Variants in PIGL observed in about 807,000 individuals in gnomAD.
PIGL encodes N-acetylglucosaminyl-phosphatidylinositol de-N-acetylase.
PIGL carries 22 observed loss-of-function variants against 31.1 expected under a neutral mutation model. The observed-to-expected ratio is 0.71, with a 90% CI of 0.51 to 1.01. The LOEUF is 1.01. PIGL is among the 50% of genes least tolerant of loss of function. PIGL has a pLI of 0.00. For synonymous variants in PIGL, 131 were observed against 117.4 expected (o/e 1.12, Z -0.75); for missense variants, 302 against 315.9 (o/e 0.96, Z 0.33).
intron 3 of PIGL, among the ~76,000 whole-genome samples, chr17:16,302,671 C>T (rs140541072): frequency 6.6e-6 from 1 of 152,214 alleles, no homozygotes; most frequent in African/African-American, 2.4e-5. Context: ...GCGATCTCAG[C>T]TCACTGCAGC....
At position 16,321,706 on chromosome 17, in the gene PIGL, T is replaced by TTTCC. The variant is rs562711098; in HGVS notation, c.660+3816_660+3819dup. On this transcript the variant is annotated intron_variant, in intron 6 of 6. Coordinates refer to ENST00000225609, the MANE Select transcript of PIGL (RefSeq NM_004278.4). ...CCTACTTCATTTATGGTTTTATTCT[T>TTTCC]TTCCTTCCTTCCTTCCTTCCTCCCT... 2.2e-3 allele frequency among the ~76,000 whole-genome samples: 333 copies of TTTCC among 152,208 alleles called. 1 individual carries two copies. Among genetic ancestry groups the TTTCC allele is most frequent in the Non-Finnish European group, 3.5e-3 (236 of 68,010 alleles).
intron 3 of PIGL, among the ~76,000 whole-genome samples, chr17:16,303,512 T>C (rs1280782998): frequency 1.3e-5 from 2 of 151,892 alleles, no homozygotes; most frequent in African/African-American, 4.8e-5. Context: ...GGAAATCGTA[T>C]AAAACAGCTC....
chr17:16,255,242 C>A (rs1444143122), intron 2 of PIGL, among the ~76,000 whole-genome samples: 1 of 152,098 alleles, frequency 6.6e-6, no homozygotes, highest in Non-Finnish European at 1.5e-5. Context: ...TCTTCCTGTT[C>A]CTGATTGCCA....
Position 16,317,884 on chromosome 17 carries a change from C to A in PIGL, c.636C>A (p.Asn212Lys), listed in dbSNP as rs745657268. The A allele has an allele frequency of 1.8e-5, 29 of 1,613,626 alleles. No individual in the cohort carries two copies. The highest frequency in any genetic ancestry group is 2.4e-5 in the Non-Finnish European group (28 of 1,180,034). ...LHTQDVLFVL[N>K]SKEVAQAKKA... ...CGCAGGATGTCCTCTTCGTGCTCAA[C>A]AGCAAAGAAGTGGCACAGGCCAAGG... Residue 212 changes from asparagine (N) to lysine (K), a missense_variant, in exon 6 of 7, where the codon AAC becomes AAA. Asn to Lys is a moderately conservative substitution (Grantham distance 94, BLOSUM62 0). Coordinates refer to ENST00000225609, the MANE Select transcript of PIGL (RefSeq NM_004278.4).
intron 1 of PIGL, among the ~76,000 whole-genome samples, chr17:16,222,079 G>C (rs2092631931): frequency 6.6e-6 from 1 of 152,056 alleles, no homozygotes; most frequent in Admixed American, 6.6e-5. Context: ...AAATTCACAA[G>C]TCATTCAAAC....
chr17:16,250,988 G>A (rs1209238431), intron 2 of PIGL, among the ~76,000 whole-genome samples: 2 of 152,092 alleles, frequency 1.3e-5, no homozygotes, highest in Non-Finnish European at 2.9e-5. Flanking sequence ...TTGTTTCACA[G>A]GAAGAAACTA....
intron 6 of PIGL, among the ~76,000 whole-genome samples, chr17:16,325,159 C>CA: frequency 6.6e-6 from 1 of 152,090 alleles, no homozygotes; most frequent in South Asian, 2.1e-4. Flanking sequence ...TCCTGGCTAA[C>CA]ACAGTGAAAC....
At chr17:16,281,452 T>C (rs1305398444) in intron 2 of PIGL, among the ~76,000 whole-genome samples, 1 of 152,338 alleles carries the variant, frequency 6.6e-6, no homozygotes. Flanking sequence ...AGAATGTGTC[T>C]AGGCATTTGC....
chr17:16,241,579 A>T (rs2092723531), intron 2 of PIGL, among the ~76,000 whole-genome samples: 1 of 152,082 alleles, frequency 6.6e-6, no homozygotes, highest in East Asian at 1.9e-4. Context: ...AAAAAAAAAA[A>T]GAAAATCTTT....
rs893728681 is a variant in PIGL, at chr17:16,325,623, G to C, written c.661-177G>C. On this transcript the variant is annotated intron_variant, in intron 6 of 6. Coordinates refer to ENST00000225609, the MANE Select transcript of PIGL (RefSeq NM_004278.4). Reference sequence around the variant, plus strand: ...AGGTAGTAGGAGATGGGAAAGCAGGGGCCATGACAGGAGGCCAATCCAGAG... The same window carrying C: ...AGGTAGTAGGAGATGGGAAAGCAGGCGCCATGACAGGAGGCCAATCCAGAG... 5.9e-5 allele frequency among the ~76,000 whole-genome samples: 9 copies of C among 152,120 alleles called. No individual in the cohort carries two copies. The East Asian group carries it at 1.7e-3, about 29-fold the overall frequency.
chr17:16,320,231 AAGGAAGG>A (rs1308297169), intron 6 of PIGL, among the ~76,000 whole-genome samples: 1 of 111,146 alleles, frequency 9.0e-6, no homozygotes, highest in Non-Finnish European at 1.8e-5. Context: ...GGAAGGAAGG[AAGGAAGG>A]AAGGAAGGAA....
At chr17:16,259,584 C>CA (rs953756691) in intron 2 of PIGL, among the ~76,000 whole-genome samples, 11 of 151,052 alleles carry the variant, frequency 7.3e-5, no homozygotes, top group South Asian at 2.1e-4. Flanking sequence ...AAAATTATCT[C>CA]AAAAAAAAAT....
At chr17:16,271,342 C>T (rs2092871205) in intron 2 of PIGL, among the ~76,000 whole-genome samples, 1 of 152,108 alleles carries the variant, frequency 6.6e-6, no homozygotes, top group Non-Finnish European at 1.5e-5. Flanking sequence ...CAAATAGGAG[C>T]CTTGTGTTAG....
chr17:16,321,374 G>A (rs953006294), intron 6 of PIGL, among the ~76,000 whole-genome samples: 7 of 151,936 alleles, frequency 4.6e-5, no homozygotes, highest in Non-Finnish European at 1.0e-4. Context: ...CCGAGTAGCT[G>A]GGATTACAGG....
intron 2 of PIGL, among the ~76,000 whole-genome samples, chr17:16,295,379 G>A (rs1380654771): frequency 6.6e-6 from 1 of 150,540 alleles, no homozygotes; most frequent in Non-Finnish European, 1.5e-5. Flanking sequence ...CTCCAACCTA[G>A]GTGACAGAGC....
chr17:16,307,367 C>T (rs192999069), intron 3 of PIGL, among the ~76,000 whole-genome samples: 1 of 152,352 alleles, frequency 6.6e-6, no homozygotes, highest in African/African-American at 2.4e-5. Context: ...GCACCTTGGC[C>T]TAGGTGCTAA....
At chr17:16,293,341 G>A (rs1160239023) in intron 2 of PIGL, among the ~76,000 whole-genome samples, 2 of 152,158 alleles carry the variant, frequency 1.3e-5, no homozygotes, top group Non-Finnish European at 2.9e-5. Context: ...TGGCTAACAC[G>A]GTGAAACCCC....
At chr17:16,219,649 C>G (rs2092617127) in intron 1 of PIGL, among the ~76,000 whole-genome samples, 1 of 152,118 alleles carries the variant, frequency 6.6e-6, no homozygotes, top group African/African-American at 2.4e-5. Context: ...TTCACTGCAA[C>G]CTACGCCTCC....
intron 2 of PIGL, among the ~76,000 whole-genome samples, chr17:16,269,575 C>A (rs377503172): frequency 1.8e-4 from 28 of 151,490 alleles, no homozygotes; most frequent in African/African-American, 6.3e-4. Context: ...TGCTTAAATC[C>A]AGGAGGCTAG....
Sources: allele counts gnomAD v4.1 joint callset (sites outside exome capture counted in the v4.1 genomes callset), GRCh38; gene constraint gnomAD v4.1.1; transcripts MANE v1.5; gene names NCBI Gene and HGNC (gene_info 2026-07-23, HGNC 2026-07-21).